MYOF: variants seen among roughly 807,000 people sequenced by gnomAD.
The protein encoded by MYOF is myoferlin.
MYOF carries 244 observed loss-of-function variants against 284.2 expected under a neutral mutation model. That is an observed-to-expected ratio of 0.86 (90% CI 0.77 to 0.95). The LOEUF (loss-of-function observed/expected upper bound fraction) is 0.95. MYOF is among the 40% of genes least tolerant of loss of function. The pLI is 0.00. For missense variants in MYOF, 2,496 were observed against 2,560.6 expected (o/e 0.97, Z 0.54); for synonymous variants, 904 against 919.7 (o/e 0.98, Z 0.31).
intron 1 of MYOF, among the ~76,000 whole-genome samples, chr10:93,477,015 G>A (rs574411767): frequency 8.5e-5 from 13 of 152,270 alleles, no homozygotes; most frequent in South Asian, 6.2e-4. Flanking sequence ...CAACAACTAC[G>A]TACCCAAGGA....
intron 40 of MYOF, among the ~76,000 whole-genome samples, chr10:93,336,644 T>C (rs1160672082): frequency 6.6e-6 from 1 of 152,122 alleles, no homozygotes; most frequent in Non-Finnish European, 1.5e-5. Flanking sequence ...TTCTGTCTTG[T>C]TTTGGGTGGT....
At chr10:93,474,195 C>G (rs1014906254) in intron 1 of MYOF, among the ~76,000 whole-genome samples, 3 of 152,138 alleles carry the variant, frequency 2.0e-5, no homozygotes, top group Non-Finnish European at 4.4e-5. Flanking sequence ...TCCATCTGTG[C>G]TGAGAAGCAT....
intron 1 of MYOF, among the ~76,000 whole-genome samples, chr10:93,467,948 A>G (rs2057051132): frequency 6.6e-6 from 1 of 152,194 alleles, no homozygotes; most frequent in Non-Finnish European, 1.5e-5. Flanking sequence ...AACTTGGTCT[A>G]CTTACTCCAG....
chr10:93,318,721 G>T (rs1467691782), intron 49 of MYOF, among the ~76,000 whole-genome samples: 1 of 150,922 alleles, frequency 6.6e-6, no homozygotes, highest in Non-Finnish European at 1.5e-5. Flanking sequence ...TTGCACCATT[G>T]CACTCCAGCC....
rs1842124267 is a variant in MYOF, at chr10:93,306,894, G to C, written c.*69C>G. ...GTGGTCTCAGACACAAAATCACACT[G>C]GATGTTGGTCTACAGAGGCAGGATT... On this transcript the variant is annotated 3_prime_UTR_variant, in exon 54 of 54. Coordinates refer to ENST00000359263, the MANE Select transcript of MYOF (RefSeq NM_013451.4). 1 of 1,495,106 alleles carries C rather than the reference G, an allele frequency of 6.7e-7. No homozygotes were observed. 92.6% of individuals were successfully genotyped at this position (1,495,106 alleles called of 1,614,324 possible).
chr10:93,334,119 G>C (rs1564626697), intron 41 of MYOF, among the ~76,000 whole-genome samples: 2 of 152,204 alleles, frequency 1.3e-5, no homozygotes, highest in Non-Finnish European at 2.9e-5. Context: ...TCACAGGGGA[G>C]AAGAGAGGGC....
Position 93,369,697 on chromosome 10 carries a change from T to C in MYOF, c.2537A>G (p.Glu846Gly), listed in dbSNP as rs776580422. 66 of 1,614,078 alleles carry C rather than the reference T, an allele frequency of 4.1e-5. No homozygotes were observed. The highest frequency in any genetic ancestry group is 5.3e-5 in the Non-Finnish European group (62 of 1,180,034). Residue 846 changes from glutamate (E) to glycine (G), a missense_variant, in exon 25 of 54, where the codon GAG (glutamate) becomes GGG (glycine). Physicochemically the swap from Glu to Gly is moderately conservative, Grantham distance 98. Coordinates refer to ENST00000359263, the MANE Select transcript of MYOF (RefSeq NM_013451.4). ...TTCTGCGAAGCTGTTAAACTTCTTC[T>C]CCACAGCACTTAAGCCTAGCCAGAT... ...VNIWLGLSAV[E>G]KKFNSFAEGT...
intron 1 of MYOF, among the ~76,000 whole-genome samples, chr10:93,478,695 G>T (rs979158263): frequency 2.0e-5 from 3 of 151,614 alleles, no homozygotes; most frequent in African/African-American, 7.3e-5. Flanking sequence ...AGCTGGGCAT[G>T]GTGGTGTGTG....
chr10:93,444,444 C>A (rs937769024), intron 3 of MYOF, among the ~76,000 whole-genome samples: 5 of 152,192 alleles, frequency 3.3e-5, no homozygotes, highest in African/African-American at 1.2e-4. Context: ...TGTGGACCAG[C>A]ACATACCCTG....
chr10:93,408,740 C>T, intron 7 of MYOF, 47 bp downstream of exon 7: 1 of 1,611,926 alleles, frequency 6.2e-7, no homozygotes, highest in African/African-American at 1.3e-5. Flanking sequence ...GTGTTTCCCT[C>T]CCCAGTGGGA....
At chr10:93,424,934 T>TTTTTA (rs1848516434) in intron 5 of MYOF, among the ~76,000 whole-genome samples, 1 of 133,510 alleles carries the variant, frequency 7.5e-6, no homozygotes, top group East Asian at 2.5e-4. Context: ...ATTCCATTTT[T>TTTTTA]TTTTTTTTTT....
At chr10:93,351,092 G>T in intron 35 of MYOF, 105 bp downstream of exon 35, 1 of 1,251,898 alleles carries the variant, frequency 8.0e-7, no homozygotes, top group Non-Finnish European at 1.1e-6. Flanking sequence ...GGAAGTTGGA[G>T]ATAGCAAGAA....
At chr10:93,333,350 G>A in intron 42 of MYOF, 38 bp from the exon 43 acceptor site, 1 of 1,562,406 alleles carries the variant, frequency 6.4e-7, no homozygotes, top group Non-Finnish European at 8.8e-7. Context: ...CATCATTGTA[G>A]GGCGCAAGGT....
Position 93,404,018 on chromosome 10 carries a change from C to T in MYOF, c.843+5G>A. On this transcript the variant is annotated splice_donor_5th_base_variant and intron_variant, in intron 9 of 53. Coordinates refer to ENST00000359263, the MANE Select transcript of MYOF (RefSeq NM_013451.4). The stretch of plus-strand genomic sequence containing the variant: ...AGTTGAATGAAGCAGACTGTTGTCA[C>T]TCACCTTAAATTCCCCCATCAGACA... The T allele has an allele frequency of 6.2e-7, 1 of 1,613,684 alleles. No homozygotes were observed. Among genetic ancestry groups the T allele is most frequent in the East Asian group, 2.2e-5 (1 of 44,876 alleles).
chr10:93,313,224 C>G lies in MYOF; in HGVS notation c.5699-14G>C. 6.2e-7 allele frequency: 1 copy of G among 1,609,436 alleles called. No individual in the cohort carries two copies. Among genetic ancestry groups the G allele is most frequent in the Non-Finnish European group, 8.5e-7 (1 of 1,177,478 alleles). On this transcript the variant is annotated splice_polypyrimidine_tract_variant and intron_variant, in intron 50 of 53. Transcript: ENST00000359263. ...GTTCTAGGAAACCTAGCCAAGGAAA[C>G]AACAGTAAGTCCAAATGAGCTTCAA...
At chr10:93,460,660 G>C (rs112553553) in intron 1 of MYOF, among the ~76,000 whole-genome samples, 2 of 151,198 alleles carry the variant, frequency 1.3e-5, no homozygotes, top group Non-Finnish European at 2.9e-5. Flanking sequence ...CCAGCCACTC[G>C]AGAGGCTGAG....
At chr10:93,401,163 G>A (rs917364230) in intron 12 of MYOF, among the ~76,000 whole-genome samples, 2 of 152,152 alleles carry the variant, frequency 1.3e-5, no homozygotes, top group East Asian at 1.9e-4. Flanking sequence ...AGAAGATATA[G>A]AATAGCAAGA....
chr10:93,382,377 T>C (rs916612326), intron 19 of MYOF, among the ~76,000 whole-genome samples: 29 of 151,864 alleles, frequency 1.9e-4, no homozygotes, highest in African/African-American at 6.8e-4. Flanking sequence ...CGACTACAGG[T>C]GCGTGCCACT....
chr10:93,424,420 C>T (rs1272668247), intron 5 of MYOF, among the ~76,000 whole-genome samples: 2 of 152,130 alleles, frequency 1.3e-5, no homozygotes, highest in South Asian at 2.1e-4. Flanking sequence ...GTTACTGGTG[C>T]TGGCCTGTGT....
Sources: allele counts gnomAD v4.1 joint callset (sites outside exome capture counted in the v4.1 genomes callset), GRCh38; gene constraint gnomAD v4.1.1; transcripts MANE v1.5; gene names NCBI Gene and HGNC (gene_info 2026-07-23, HGNC 2026-07-21).